ABTB2: variants seen among roughly 807,000 people sequenced by gnomAD.
ABTB2 encodes ankyrin repeat and BTB domain containing 2.
Under a neutral mutation model 104.1 loss-of-function variants are expected in ABTB2, and 56 were observed. The ratio of observed to expected loss-of-function variants is 0.54; its 90% CI spans 0.43 to 0.67. The LOEUF is 0.67. Ranked by LOEUF, ABTB2 falls within the 30% of genes least tolerant of loss-of-function variation. The pLI is 0.00. For missense variants in ABTB2, 1,279 were observed against 1,407.7 expected, an observed-to-expected ratio of 0.91 and a Z score of 1.46; for synonymous variants, 606 against 608.2, an observed-to-expected ratio of 1.00 and a Z score of 0.05.
chr11:34,238,856 C>T (rs1026205314), intron 1 of ABTB2, among the ~76,000 whole-genome samples: 4 of 152,160 alleles, frequency 2.6e-5, no homozygotes, highest in Non-Finnish European at 5.9e-5. Context: ...CGGGTTCATG[C>T]CATTCTCCTG....
intron 2 of ABTB2, among the ~76,000 whole-genome samples, chr11:34,203,045 T>C (rs1002657068): frequency 4.0e-5 from 6 of 151,774 alleles, no homozygotes; most frequent in Non-Finnish European, 8.8e-5. Flanking sequence ...TGGGCTGGGG[T>C]TGTAATGGGC....
At position 34,152,292 on chromosome 11, in the gene ABTB2, T is replaced by C; in HGVS notation, c.*95A>G. ...GGGGGAGGAGGAGGAAACAGCCCCG[T>C]GAACCTGGCTCCAAGAGGGCCTACA... is the stretch of plus-strand genomic sequence containing the variant. On this transcript the variant is annotated 3_prime_UTR_variant, in exon 17 of 17. Transcript: ENST00000435224. The C allele has an allele frequency of 1.5e-6, 2 of 1,377,582 alleles. No homozygotes were observed. Among genetic ancestry groups the C allele is most frequent in the South Asian group, 1.4e-5 (1 of 70,788 alleles). The allele number at this position is 1,377,582 out of a possible 1,614,324, so 85.3% of individuals were successfully genotyped here.
chr11:34,281,056 AACAT>A (rs1854442969), intron 1 of ABTB2, among the ~76,000 whole-genome samples: 1 of 152,144 alleles, frequency 6.6e-6, no homozygotes, highest in Non-Finnish European at 1.5e-5. Context: ...GGGAGCCCAG[AACAT>A]ACTGGGCCAA....
chr11:34,162,606 C>A lies in ABTB2; in HGVS notation c.2188G>T (p.Val730Leu), dbSNP rs747221821. 2.5e-6 allele frequency: 4 copies of A among 1,613,532 alleles called. No homozygotes were observed. The highest frequency in any genetic ancestry group is 3.4e-6 in the Non-Finnish European group (4 of 1,180,006). ...AMYYSAEHGY[V>L]DITMELRALG... ...GCCCTCAGCTCCATGGTGATGTCCACGTAGCCGTGCTCAGCGCTGTAGTAC... is the reference window on the plus strand; with the variant it reads ...GCCCTCAGCTCCATGGTGATGTCCAAGTAGCCGTGCTCAGCGCTGTAGTAC... Residue 730 changes from valine to leucine, a missense_variant, in exon 10 of 17, where the codon GTG becomes TTG. Transcript: ENST00000435224.
intron 3 of ABTB2, among the ~76,000 whole-genome samples, chr11:34,184,786 C>T (rs1206536495): frequency 1.3e-5 from 2 of 152,284 alleles, no homozygotes; most frequent in African/African-American, 2.4e-5. Flanking sequence ...CCCAGGCCTA[C>T]TGGCCACGCC....
chr11:34,222,410 G>A (rs1427433078), intron 1 of ABTB2, among the ~76,000 whole-genome samples: 5 of 152,162 alleles, frequency 3.3e-5, no homozygotes, highest in Non-Finnish European at 5.9e-5. Flanking sequence ...TTTTAAGAGT[G>A]CCCTGGCTGT....
chr11:34,240,818 C>T (rs1433781894), intron 1 of ABTB2, among the ~76,000 whole-genome samples: 1 of 152,212 alleles, frequency 6.6e-6, no homozygotes, highest in Non-Finnish European at 1.5e-5. Flanking sequence ...TGGTCTCGAA[C>T]TCCTGACCTC....
chr11:34,236,990 G>A (rs999290975), intron 1 of ABTB2, among the ~76,000 whole-genome samples: 2 of 152,300 alleles, frequency 1.3e-5, no homozygotes, highest in Middle Eastern at 6.8e-3. Flanking sequence ...CATTTAAACT[G>A]TACAAGGGAA....
intron 1 of ABTB2, among the ~76,000 whole-genome samples, chr11:34,232,886 T>C (rs948147984): frequency 6.6e-6 from 1 of 151,572 alleles, no homozygotes. Context: ...CTTGAGCCTG[T>C]GAGGTCAGGG....
At chr11:34,353,618 G>T (rs972775053) in intron 1 of ABTB2, among the ~76,000 whole-genome samples, 2 of 152,172 alleles carry the variant, frequency 1.3e-5, no homozygotes. Context: ...AAACACTGCA[G>T]AACTTTTATT....
In ABTB2 at chr11:34,353,506, TATC is replaced by T. The variant is rs539984676; in HGVS notation, c.883+3192_883+3194del. ...ACCTCCCGTAAGGAAGTCATGAAGA[TATC>T]ATCATTTAATGGCCTTGCCATGGGA... On this transcript the variant is annotated intron_variant, in intron 1 of 16. Coordinates refer to ENST00000435224, the MANE Select transcript of ABTB2 (RefSeq NM_145804.3). 1.9e-3 allele frequency among the ~76,000 whole-genome samples: 296 copies of T among 152,364 alleles called. 3 individuals are homozygous for T. Among genetic ancestry groups the T allele is most frequent in the Middle Eastern group, 0.01 (3 of 294 alleles).
At chr11:34,296,372 C>G (rs936902189) in intron 1 of ABTB2, among the ~76,000 whole-genome samples, 4 of 151,996 alleles carry the variant, frequency 2.6e-5, no homozygotes, top group African/African-American at 9.7e-5. Flanking sequence ...GAAGATCCTA[C>G]TAGAGTGTTA....
rs980523969 is a variant in ABTB2 at position 34,274,037 on chromosome 11, A to G, written c.884-69347T>C. Among the ~76,000 whole-genome samples the G allele has an allele frequency of 1.1e-3, 169 of 150,664 alleles. 1 individual carries two copies. Among genetic ancestry groups the G allele is most frequent in the African/African-American group, 3.1e-3 (127 of 40,950 alleles). On this transcript the variant is annotated intron_variant, in intron 1 of 16. Coordinates refer to ENST00000435224, the MANE Select transcript of ABTB2 (RefSeq NM_145804.3). ...CACGGTGGCGGGCGCCTGTAGTCCC[A>G]GCTACTCGGGAGGCTGAGGCAGGAG...
chr11:34,293,481 C>T (rs538999355), intron 1 of ABTB2, among the ~76,000 whole-genome samples: 9 of 152,254 alleles, frequency 5.9e-5, no homozygotes, highest in Non-Finnish European at 1.3e-4. Flanking sequence ...TCTCTCAACC[C>T]TCAGGAGAAG....
At chr11:34,272,986 A>G (rs530023685) in intron 1 of ABTB2, among the ~76,000 whole-genome samples, 1 of 152,262 alleles carries the variant, frequency 6.6e-6, no homozygotes, top group African/African-American at 2.4e-5. Flanking sequence ...GGGAAACAAC[A>G]ATAATAGCGT....
In ABTB2 at chr11:34,199,347, A is replaced by G. The variant is rs12272877; in HGVS notation, c.1031-1809T>C. Among the ~76,000 whole-genome samples the G allele has an allele frequency of 1.3e-3, 195 of 152,102 alleles. 1 individual carries two copies. Among genetic ancestry groups the G allele is most frequent in the African/African-American group, 4.3e-3 (177 of 41,470 alleles). Reference sequence around the variant, plus strand: ...CCTCCCTACTCCTGACTACTCATCCATACCGTTGGAGTTCAGCTGCCTGGG... The same window carrying G: ...CCTCCCTACTCCTGACTACTCATCCGTACCGTTGGAGTTCAGCTGCCTGGG... On this transcript the variant is annotated intron_variant, in intron 2 of 16. Coordinates refer to ENST00000435224, the MANE Select transcript of ABTB2 (RefSeq NM_145804.3).
chr11:34,253,690 AAT>A (rs1491259660), intron 1 of ABTB2, among the ~76,000 whole-genome samples: 50 of 151,410 alleles, frequency 3.3e-4, no homozygotes, highest in African/African-American at 8.8e-4. Flanking sequence ...AAAAAAAAAA[AAT>A]TTTTTTTTCA....
At chr11:34,303,698 A>C (rs1369197477) in intron 1 of ABTB2, among the ~76,000 whole-genome samples, 1 of 125,646 alleles carries the variant, frequency 8.0e-6, no homozygotes, top group Non-Finnish European at 1.5e-5. Context: ...GCTGGAGTGC[A>C]GTGGCGTGAT....
chr11:34,234,528 T>C (rs16925345), intron 1 of ABTB2, among the ~76,000 whole-genome samples: 2,032 of 152,322 alleles, frequency 0.013, 40 homozygotes, highest in African/African-American at 0.045. Context: ...CTGGTTCCAC[T>C]GCTCAGAGGA....
Sources: allele counts gnomAD v4.1 joint callset (sites outside exome capture counted in the v4.1 genomes callset), GRCh38; gene constraint gnomAD v4.1.1; transcripts MANE v1.5; gene names NCBI Gene and HGNC (gene_info 2026-07-23, HGNC 2026-07-21).